Variants in THRB observed in about 807,000 individuals in gnomAD.
THRB encodes nuclear receptor subfamily 1 group A member 2.
A neutral mutation model predicts 47.8 loss-of-function variants in THRB; 12 were observed. The ratio of observed to expected loss-of-function variants is 0.25; its 90% CI spans 0.16 to 0.41. The LOEUF (loss-of-function observed/expected upper bound fraction) is 0.41, where lower values mean the gene tolerates loss of function less well. Ranked by LOEUF, THRB falls within the 10% of genes least tolerant of loss-of-function variation. The pLI is 1.00. For missense variants in THRB, 348 were observed against 589.2 expected (o/e 0.59, Z 4.24); for synonymous variants, 218 against 212.2 (o/e 1.03, Z -0.24).
intron 4 of THRB, among the ~76,000 whole-genome samples, chr3:24,215,713 C>A (rs2046493443): frequency 6.6e-6 from 1 of 152,222 alleles, no homozygotes; most frequent in African/African-American, 2.4e-5. Context: ...TCCCAGCAAC[C>A]TTGCAGTGAG....
chr3:24,326,610 G>C (rs2061607620), intron 2 of THRB, among the ~76,000 whole-genome samples: 1 of 152,096 alleles, frequency 6.6e-6, no homozygotes, highest in Non-Finnish European at 1.5e-5. Context: ...TTTGCATAGA[G>C]AAAAGCTTAG....
intron 4 of THRB, among the ~76,000 whole-genome samples, chr3:24,222,707 T>A (rs947367170): frequency 6.6e-6 from 1 of 152,190 alleles, no homozygotes; most frequent in Non-Finnish European, 1.5e-5. Context: ...TTTTATTTCT[T>A]TTAGAAGTGA....
At position 24,295,284 on chromosome 3, in the gene THRB, C is replaced by A. The variant is rs1250036367; in HGVS notation, c.-43+1942G>T. ...AGATGGTAAGTGATAGCCCTAACCA[C>A]ATGCATGTATACTTCGAAGATGCAA... On this transcript the variant is annotated intron_variant, in intron 3 of 10. Coordinates refer to ENST00000646209, the MANE Select transcript of THRB (RefSeq NM_001354712.2). Among the ~76,000 whole-genome samples, 4 of 152,178 alleles carry A rather than the reference C, an allele frequency of 2.6e-5. No homozygotes were observed. In the East Asian group the frequency reaches 7.7e-4, roughly 29 times the overall value.
At chr3:24,468,546 C>T (rs1172299859) in intron 1 of THRB, among the ~76,000 whole-genome samples, 1 of 152,112 alleles carries the variant, frequency 6.6e-6, no homozygotes, top group African/African-American at 2.4e-5. Flanking sequence ...ACTAACTGGC[C>T]TAATTTCTAC....
intron 4 of THRB, among the ~76,000 whole-genome samples, chr3:24,226,708 T>C (rs186770132): frequency 1.0e-3 from 156 of 152,250 alleles, no homozygotes; most frequent in Admixed American, 2.2e-3. Flanking sequence ...AGTAATGAGA[T>C]GGTTTGTAGC....
intron 1 of THRB, among the ~76,000 whole-genome samples, chr3:24,491,684 C>T (rs1698163880): frequency 6.6e-6 from 1 of 152,350 alleles, no homozygotes; most frequent in African/African-American, 2.4e-5. Context: ...GGTTGGTCCA[C>T]TTAGGGCTGC....
At chr3:24,143,310 G>C (rs2035679094) in intron 8 of THRB, among the ~76,000 whole-genome samples, 191 bp downstream of exon 8, 1 of 152,180 alleles carries the variant, frequency 6.6e-6, no homozygotes, top group African/African-American at 2.4e-5. Context: ...GATGGTAGGA[G>C]TGGCCTTTAT....
intron 5 of THRB, among the ~76,000 whole-genome samples, chr3:24,168,590 C>T (rs2039995047): frequency 6.6e-6 from 1 of 150,680 alleles, no homozygotes; most frequent in African/African-American, 2.4e-5. Flanking sequence ...AAAAGAAGTT[C>T]CTGAGGTTAT....
intron 1 of THRB, among the ~76,000 whole-genome samples, chr3:24,349,782 A>T (rs1213081880): frequency 6.6e-6 from 1 of 152,078 alleles, no homozygotes; most frequent in African/African-American, 2.4e-5. Flanking sequence ...ATTTGGGGGT[A>T]AACAAAGTTT....
chr3:24,155,160 G>A (rs949706875), intron 5 of THRB, among the ~76,000 whole-genome samples: 4 of 152,092 alleles, frequency 2.6e-5, no homozygotes, highest in African/African-American at 9.7e-5. Flanking sequence ...AGGTTCTTGT[G>A]GAATCCAACA....
chr3:24,329,969 AC>A (rs2061812095), intron 2 of THRB, among the ~76,000 whole-genome samples: 1 of 152,230 alleles, frequency 6.6e-6, no homozygotes, highest in Non-Finnish European at 1.5e-5. Flanking sequence ...TGCATGCTTT[AC>A]TTTGAGAAAC....
chr3:24,249,577 G>A (rs1202114711), intron 3 of THRB, among the ~76,000 whole-genome samples: 2 of 152,088 alleles, frequency 1.3e-5, no homozygotes, highest in South Asian at 2.1e-4. Context: ...CAATGGCTAG[G>A]GCCACAGACT....
At chr3:24,263,439 A>G (rs556286256) in intron 3 of THRB, among the ~76,000 whole-genome samples, 1 of 152,294 alleles carries the variant, frequency 6.6e-6, no homozygotes, top group South Asian at 2.1e-4. Flanking sequence ...GTCAGATCCT[A>G]AAGTCCACGC....
intron 2 of THRB, among the ~76,000 whole-genome samples, chr3:24,334,087 C>G (rs2062089343): frequency 1.3e-5 from 2 of 152,186 alleles, no homozygotes; most frequent in African/African-American, 2.4e-5. Flanking sequence ...TACTACCTGA[C>G]TTTTAAAATA....
At chr3:24,157,955 A>G (rs895418269) in intron 5 of THRB, among the ~76,000 whole-genome samples, 1 of 152,212 alleles carries the variant, frequency 6.6e-6, no homozygotes, top group Non-Finnish European at 1.5e-5. Context: ...TAACCTTTCA[A>G]TCTACAATTA....
intron 1 of THRB, among the ~76,000 whole-genome samples, chr3:24,337,787 C>T (rs2062359091): frequency 6.6e-6 from 1 of 152,170 alleles, no homozygotes; most frequent in African/African-American, 2.4e-5. Flanking sequence ...GAATAGGTCT[C>T]AACATATAAG....
rs186422140 is a variant in THRB at position 24,327,160 on chromosome 3, A to C, written c.-189+10140T>G. 5.9e-5 allele frequency among the ~76,000 whole-genome samples: 9 copies of C among 152,180 alleles called. No homozygotes were observed. The East Asian group carries it at 1.4e-3, about 23-fold the overall frequency. On this transcript the variant is annotated intron_variant, in intron 2 of 10. Transcript: ENST00000646209. ...AACATAGGAATGAACAATTACAAAA[A>C]CTTGTGTTTAGAATAAAATCGGTAA...
intron 2 of THRB, among the ~76,000 whole-genome samples, chr3:24,320,718 A>G (rs1040916108): frequency 6.6e-6 from 1 of 152,190 alleles, no homozygotes; most frequent in Non-Finnish European, 1.5e-5. Flanking sequence ...TGACAAAAAA[A>G]GGGGGAGGAC....
At chr3:24,438,798 A>C (rs953734901) in intron 1 of THRB, among the ~76,000 whole-genome samples, 3 of 152,188 alleles carry the variant, frequency 2.0e-5, no homozygotes, top group African/African-American at 7.2e-5. Context: ...AGAAGGTAGA[A>C]GCCCCTGTCA....
Sources: gnomAD v4.1 joint callset for allele counts (sites outside exome capture counted in the v4.1 genomes callset) on GRCh38, gnomAD v4.1.1 for gene constraint, MANE v1.5 for transcripts, NCBI Gene and HGNC (gene_info 2026-07-23, HGNC 2026-07-21) for gene names.